Variants in MBOAT7 observed in about 807,000 individuals in gnomAD.
The protein encoded by MBOAT7 is membrane-bound acylglycerophosphatidylinositol O-acyltransferase MBOAT7.
In MBOAT7, 40 loss-of-function variants were observed where a neutral mutation model predicts 47.4. The ratio of observed to expected loss-of-function variants is 0.84; its 90% CI spans 0.66 to 1.10. The LOEUF is 1.10. Ranked by LOEUF, MBOAT7 falls within the 50% of genes least tolerant of loss-of-function variation. MBOAT7 has a pLI of 0.00. For missense variants in MBOAT7, 680 were observed against 655.6 expected, an observed-to-expected ratio of 1.04 and a Z score of -0.41; for synonymous variants, 361 against 292.0, an observed-to-expected ratio of 1.24 and a Z score of -2.41.
At chr19:54,182,167 G>A (rs1310909025) in intron 5 of MBOAT7, among the ~76,000 whole-genome samples, 1 of 152,030 alleles carries the variant, frequency 6.6e-6, no homozygotes, top group African/African-American at 2.4e-5. Context: ...GTGATTCACA[G>A]AAGGGACCGG....
intron 7 of MBOAT7, chr19:54,178,132 G>A (rs1055321240): frequency 2.6e-5 from 16 of 614,460 alleles, no homozygotes; most frequent in Non-Finnish European, 3.3e-5. Flanking sequence ...GGCTGGTCTC[G>A]AACTCCTGAC....
chr19:54,175,604 G>T (rs1377150839), intron 7 of MBOAT7, among the ~76,000 whole-genome samples: 1 of 152,132 alleles, frequency 6.6e-6, no homozygotes, highest in East Asian at 1.9e-4. Flanking sequence ...GTCTCGCTCT[G>T]TTGCCACACG....
At chr19:54,183,786 C>A in intron 4 of MBOAT7, 106 bp from the exon 5 acceptor site, 1 of 1,163,820 alleles carries the variant, frequency 8.6e-7, no homozygotes, top group South Asian at 1.8e-5. Flanking sequence ...GCTGGGTGCC[C>A]GCAGCTCTGC....
chr19:54,188,358 A>G lies in MBOAT7; in HGVS notation c.77-12T>C. The G allele has an allele frequency of 3.1e-6, 5 of 1,612,888 alleles. No homozygotes were observed. The highest frequency in any genetic ancestry group is 4.2e-6 in the Non-Finnish European group (5 of 1,179,360). On this transcript the variant is annotated splice_polypyrimidine_tract_variant and intron_variant, in intron 2 of 7. Coordinates refer to ENST00000245615, the MANE Select transcript of MBOAT7 (RefSeq NM_024298.5). ...CTTCAGCCCAGGACCTGCAGGGGGA[A>G]GGGACAGCATAAGCCTGGAACCTTC...
chr19:54,180,785 G>A lies in MBOAT7; in HGVS notation c.842C>T (p.Pro281Leu). The part of the protein sequence containing the change: ...RAGGGPTLQC[P>L]PPSSPEKAAS... ...CGCGCCGCCTGACCTGCTGGGGGGTGGGCATTGGAGGGTGGGGCCGCCTCC... is the reference window on the plus strand; with the variant it reads ...CGCGCCGCCTGACCTGCTGGGGGGTAGGCATTGGAGGGTGGGGCCGCCTCC... The change falls in exon 6 of 8, where the codon CCA becomes CTA. Residue 281 changes from proline to leucine, a missense_variant. Physicochemically the swap from Pro to Leu is moderately conservative, Grantham distance 98. Coordinates refer to ENST00000245615, the MANE Select transcript of MBOAT7 (RefSeq NM_024298.5). This position sits in a 1 kb window ranked among gnomAD's most constrained non-coding sequence, Gnocchi z 5.2. 1.9e-6 allele frequency: 3 copies of A among 1,544,460 alleles called. No individual in the cohort carries two copies. The highest frequency in any genetic ancestry group is 1.2e-5 in the South Asian group (1 of 83,586).
Position 54,181,147 on chromosome 19 carries a change from A to AG in MBOAT7, c.494-15dup. On this transcript the variant is annotated splice_polypyrimidine_tract_variant and intron_variant, in intron 5 of 7. Transcript: ENST00000245615. ...GGAAGAACGGGCCTGTGGGGCGGGG[A>AG]GGGAGGGCCGCGGTCAGACAGGCAG... The AG allele has an allele frequency of 1.0e-6, 1 of 1,001,774 alleles. No individual in the cohort carries two copies. Among genetic ancestry groups the AG allele is most frequent in the Non-Finnish European group, 1.3e-6 (1 of 742,786 alleles). 62.1% of individuals were successfully genotyped at this position (1,001,774 alleles called of 1,614,324 possible). A position where few individuals can be genotyped will look rare whatever the true frequency, so the allele number is the denominator to read the frequency against.
At chr19:54,188,133 A>G (rs2076505688) in intron 3 of MBOAT7, 84 bp downstream of exon 3, 1 of 1,389,094 alleles carries the variant, frequency 7.2e-7, no homozygotes, top group Non-Finnish European at 9.8e-7. Context: ...GACATGAGGC[A>G]GAAGCTGAAA....
At position 54,174,261 on chromosome 19, in the gene MBOAT7, A is replaced by G; in HGVS notation, c.1202T>C (p.Phe401Ser). The G allele has an allele frequency of 1.2e-6, 2 of 1,610,650 alleles. No individual in the cohort carries two copies. Among genetic ancestry groups the G allele is most frequent in the Non-Finnish European group, 1.7e-6 (2 of 1,178,098 alleles). ...GQKAWDWVHW[F>S]LKMRAYDYMC... The stretch of plus-strand genomic sequence containing the variant: ...GTAGTCATAGGCGCGCATCTTCAGG[A>G]ACCAGTGCACCCAGTCCCAGGCCTT... The change falls in exon 8 of 8, where the codon TTC (phenylalanine) becomes TCC (serine). Residue 401 changes from phenylalanine to serine, a missense_variant. By Grantham distance (155) the Phe-to-Ser change is radical. Transcript: ENST00000245615.
Position 54,187,249 on chromosome 19 carries a change from T to A in MBOAT7, c.245A>T (p.Tyr82Phe). The A allele has an allele frequency of 1.2e-6, 2 of 1,610,202 alleles. No individual in the cohort carries two copies. Among genetic ancestry groups the A allele is most frequent in the Non-Finnish European group, 1.7e-6 (2 of 1,178,562 alleles). Residue 82 changes from tyrosine to phenylalanine, a missense_variant, in exon 4 of 8, where the codon TAT becomes TTT. Coordinates refer to ENST00000245615, the MANE Select transcript of MBOAT7 (RefSeq NM_024298.5). The stretch of plus-strand genomic sequence containing the variant: ...GCTGAGGGCTCGGAAGAACAGGAGA[T>A]AGGAGAAAGTCCAGGCCAGAGCCAG... ...HALALAWTFS[Y>F]LLFFRALSLL...
intron 4 of MBOAT7, among the ~76,000 whole-genome samples, chr19:54,185,680 G>C (rs917521430): frequency 1.3e-5 from 2 of 151,226 alleles, no homozygotes; most frequent in African/African-American, 2.5e-5. Context: ...CATCCAGAAC[G>C]AGTTTTCTTT....
intron 5 of MBOAT7, among the ~76,000 whole-genome samples, chr19:54,181,714 G>A (rs2076279597): frequency 1.5e-5 from 1 of 64,590 alleles, no homozygotes; most frequent in African/African-American, 6.7e-5. Flanking sequence ...AAGGAAGAAG[G>A]GAGGGAAGGA....
Position 54,179,925 on chromosome 19 carries a change from C to G in MBOAT7, c.854+848G>C, listed in dbSNP as rs2076217412. ...CTGTCAGGAACACAAGGGCAGTCTACTCCTGGTTGCCGGGGGTGCCATCTC... is the reference window on the plus strand; with the variant it reads ...CTGTCAGGAACACAAGGGCAGTCTAGTCCTGGTTGCCGGGGGTGCCATCTC... On this transcript the variant is annotated intron_variant, in intron 6 of 7. Coordinates refer to ENST00000245615, the MANE Select transcript of MBOAT7 (RefSeq NM_024298.5). The G allele has an allele frequency of 1.3e-5, 2 of 152,398 alleles. 1 individual carries two copies. Among genetic ancestry groups the G allele is most frequent in the South Asian group, 4.1e-4 (2 of 4,832 alleles). 9.4% of individuals were successfully genotyped at this position (152,398 alleles called of 1,614,324 possible). A position where few individuals can be genotyped will look rare whatever the true frequency, so the allele number is the denominator to read the frequency against.
chr19:54,177,148 T>C (rs1022426323), intron 7 of MBOAT7, among the ~76,000 whole-genome samples: 2 of 141,072 alleles, frequency 1.4e-5, no homozygotes, highest in African/African-American at 5.5e-5. Context: ...TGACAGAGCA[T>C]CAAAATACTA....
Position 54,187,168 on chromosome 19 carries a change from G to C in MBOAT7, c.326C>G (p.Thr109Arg). The change falls in exon 4 of 8, where the codon ACG (threonine) becomes AGG (arginine). Residue 109 changes from threonine to arginine, a missense_variant. By Grantham distance (71) the Thr-to-Arg change is moderately conservative. Coordinates refer to ENST00000245615, the MANE Select transcript of MBOAT7 (RefSeq NM_024298.5). ...GCAAGCCCCGAGTCTGACCTTCAGC[G>C]TCAGCAGCAGCTGGACGGCATTGGT... The part of the protein sequence containing the change: ...PFTNAVQLLL[T>R]LKLVSLASEV... 1 of 1,569,224 alleles carries C rather than the reference G, an allele frequency of 6.4e-7. No individual in the cohort carries two copies. Among genetic ancestry groups the C allele is most frequent in the Non-Finnish European group, 8.6e-7 (1 of 1,159,996 alleles).
intron 4 of MBOAT7, 108 bp downstream of exon 4, chr19:54,187,053 G>C (rs2076445993): frequency 1.5e-6 from 2 of 1,331,694 alleles, no homozygotes; most frequent in Admixed American, 4.9e-5. Context: ...CCCACCCCCA[G>C]GGTGTGTTGG....
chr19:54,178,781 G>T lies in MBOAT7; in HGVS notation c.1015C>A (p.Arg339Ser). ...AQYIYKSAPA[R>S]SYVLRSAWTM... is the part of the protein sequence containing the mutation. ...CTCACTCACCGCAGGACATAGGAAC[G>T]GGCAGGTGCGCTCTTGTAGATATAC... Residue 339 changes from arginine (R) to serine (S), a missense_variant, in exon 7 of 8, where the codon CGT becomes AGT. Transcript: ENST00000245615. 1 of 1,613,404 alleles carries T rather than the reference G, an allele frequency of 6.2e-7. No individual in the cohort carries two copies. Among genetic ancestry groups the T allele is most frequent in the Non-Finnish European group, 8.5e-7 (1 of 1,180,000 alleles).
chr19:54,179,470 T>C (rs1222089834), intron 6 of MBOAT7: 2 of 155,788 alleles, frequency 1.3e-5, no homozygotes, highest in East Asian at 1.9e-4. Flanking sequence ...GAAAGGCTTT[T>C]AGGAAGGGGC....
In MBOAT7 at chr19:54,174,033, G is replaced by T. The variant is rs763410948; in HGVS notation, c.*11C>A. ...CCCGGGACCAGCTGGCAGAGGGAGC[G>T]TCGTGACAGCTTACTCCTCCCGGAG... On this transcript the variant is annotated 3_prime_UTR_variant, in exon 8 of 8. Coordinates refer to ENST00000245615, the MANE Select transcript of MBOAT7 (RefSeq NM_024298.5). The T allele has an allele frequency of 6.4e-7, 1 of 1,563,256 alleles. No individual in the cohort carries two copies. Among genetic ancestry groups the T allele is most frequent in the African/African-American group, 1.4e-5 (1 of 72,460 alleles).
intron 7 of MBOAT7, 127 bp downstream of exon 7, chr19:54,178,638 T>C (rs559985517): frequency 1.4e-6 from 2 of 1,452,800 alleles, no homozygotes; most frequent in East Asian, 2.5e-5. Context: ...AAAACCAGGC[T>C]AAACAAACTA....
Sources: gnomAD v4.1 joint callset for allele counts (sites outside exome capture counted in the v4.1 genomes callset) on GRCh38, gnomAD v4.1.1 for gene constraint, Gnocchi (gnomAD v3.1) non-coding constraint, MANE v1.5 for transcripts, NCBI Gene and HGNC (gene_info 2026-07-23, HGNC 2026-07-21) for gene names.